CLSTN2: variants seen among roughly 807,000 people sequenced by gnomAD.
CLSTN2 encodes calsyntenin-2.
CLSTN2 carries 48 observed loss-of-function variants against 101.2 expected under a neutral mutation model. That is an observed-to-expected ratio of 0.47 (90% CI 0.38 to 0.60). CLSTN2 has a LOEUF of 0.60. CLSTN2 is among the 20% of genes least tolerant of loss of function. The pLI is 0.00. For synonymous variants in CLSTN2, 481 were observed against 463.6 expected, an observed-to-expected ratio of 1.04 and a Z score of -0.48; for missense variants, 1,160 against 1,238.2, an observed-to-expected ratio of 0.94 and a Z score of 0.95.
intron 2 of CLSTN2, among the ~76,000 whole-genome samples, chr3:140,379,369 G>T (rs1168599378): frequency 6.6e-6 from 1 of 152,222 alleles, no homozygotes; most frequent in Non-Finnish European, 1.5e-5. Flanking sequence ...CATCGTGGAG[G>T]TTGCCGAGAA....
intron 1 of CLSTN2, among the ~76,000 whole-genome samples, chr3:140,046,233 C>CT (rs202137594): frequency 0.17 from 25,457 of 152,172 alleles, 2,369 homozygotes; most frequent in Admixed American, 0.29. Flanking sequence ...ATAGTTACCT[C>CT]TTCTTGTTGA....
At chr3:140,226,897 A>G (rs996185511) in intron 2 of CLSTN2, among the ~76,000 whole-genome samples, 3 of 152,190 alleles carry the variant, frequency 2.0e-5, no homozygotes, top group South Asian at 2.1e-4. Flanking sequence ...CTCTTTCACT[A>G]TCATGAGAAC....
At chr3:140,165,278 A>G (rs60374612) in intron 1 of CLSTN2, among the ~76,000 whole-genome samples, 11,013 of 152,190 alleles carry the variant, frequency 0.072, 1,054 homozygotes, top group African/African-American at 0.22. Context: ...ATACAGGAAT[A>G]CCTACTCATT....
chr3:140,566,053 A>T lies in CLSTN2; in HGVS notation c.2668A>T (p.Lys890Ter). The T allele has an allele frequency of 6.2e-7, 1 of 1,614,060 alleles. No homozygotes were observed. Among genetic ancestry groups the T allele is most frequent in the African/African-American group, 1.3e-5 (1 of 75,044 alleles). ...TTTGCTTTTTCTCCTTGATATCCAG[A>T]AACATGAAGGACCAGGGCATGGGGA... ...ALTITVNPME[K>*]HEGPGHGEDE... The change falls in exon 17 of 17, where the codon AAA becomes TAA. Residue 890 changes from lysine to a stop codon, truncating the protein, a stop_gained and splice_region_variant. Transcript: ENST00000458420. LOFTEE classifies it high-confidence loss of function.
intron 15 of CLSTN2, among the ~76,000 whole-genome samples, 178 bp from the exon 16 acceptor site, chr3:140,563,783 C>A (rs529665159): frequency 6.6e-6 from 1 of 152,226 alleles, no homozygotes; most frequent in Admixed American, 6.5e-5. Flanking sequence ...ATTATTATGT[C>A]CATTATAGAG....
intron 2 of CLSTN2, among the ~76,000 whole-genome samples, chr3:140,219,952 C>G (rs1362037908): frequency 3.9e-5 from 6 of 152,146 alleles, no homozygotes; most frequent in Non-Finnish European, 7.3e-5. Flanking sequence ...ATCACTTCAA[C>G]CCCAGGAGGA....
At chr3:140,001,469 A>G (rs1201950951) in intron 1 of CLSTN2, among the ~76,000 whole-genome samples, 1 of 151,242 alleles carries the variant, frequency 6.6e-6, no homozygotes, top group Non-Finnish European at 1.5e-5. Flanking sequence ...TATTTTCTTC[A>G]ACTTTTTAAA....
At chr3:140,401,029 T>G (rs1187088938) in intron 2 of CLSTN2, among the ~76,000 whole-genome samples, 1 of 152,268 alleles carries the variant, frequency 6.6e-6, no homozygotes, top group Non-Finnish European at 1.5e-5. Flanking sequence ...CTTATTTCCC[T>G]TTCTACCAGA....
chr3:140,548,666 A>G (rs1265617688), intron 10 of CLSTN2, among the ~76,000 whole-genome samples: 1 of 152,264 alleles, frequency 6.6e-6, no homozygotes, highest in East Asian at 1.9e-4. Context: ...CACAGTATTC[A>G]CTAGAACTTC....
chr3:140,211,438 T>C (rs1240347606), intron 2 of CLSTN2, among the ~76,000 whole-genome samples: 1 of 76,362 alleles, frequency 1.3e-5, no homozygotes, highest in Non-Finnish European at 3.0e-5. Flanking sequence ...TATATATATA[T>C]ATATTATTTA....
intron 2 of CLSTN2, among the ~76,000 whole-genome samples, chr3:140,226,353 T>C (rs2086320064): frequency 2.0e-5 from 3 of 152,212 alleles, no homozygotes; most frequent in African/African-American, 7.2e-5. Context: ...CTTTGCAAGA[T>C]GTTATCACTG....
chr3:140,042,618 C>G (rs57732985), intron 1 of CLSTN2, among the ~76,000 whole-genome samples: 1 of 152,142 alleles, frequency 6.6e-6, no homozygotes, highest in Non-Finnish European at 1.5e-5. Flanking sequence ...TGGTGTGCTG[C>G]ACCCATTAAC....
In CLSTN2 at chr3:140,052,981, C is replaced by A. The variant is rs150695195; in HGVS notation, c.109+117498C>A. On this transcript the variant is annotated intron_variant, in intron 1 of 16. Transcript: ENST00000458420. ...AGCAGGCTGTTTGTAGGGACAGACA[C>A]AGCTCTCATCAAGACAGCACAGCCA... is the stretch of plus-strand genomic sequence containing the variant. Among the ~76,000 whole-genome samples the A allele has an allele frequency of 5.1e-3, 772 of 152,348 alleles. 2 individuals are homozygous for A. Among genetic ancestry groups the A allele is most frequent in the Middle Eastern group, 0.041 (12 of 294 alleles).
intron 1 of CLSTN2, among the ~76,000 whole-genome samples, chr3:139,992,268 A>T (rs1936127604): frequency 6.6e-6 from 1 of 152,158 alleles, no homozygotes; most frequent in African/African-American, 2.4e-5. Flanking sequence ...AAAATTGAGG[A>T]TCGCTCGTGC....
At chr3:140,114,196 C>A (rs1172551387) in intron 1 of CLSTN2, among the ~76,000 whole-genome samples, 6 of 152,212 alleles carry the variant, frequency 3.9e-5, no homozygotes, top group African/African-American at 1.4e-4. Context: ...GGGCTATGCT[C>A]ACAGTCCTTC....
At chr3:140,098,844 G>A (rs2008914577) in intron 1 of CLSTN2, among the ~76,000 whole-genome samples, 2 of 152,142 alleles carry the variant, frequency 1.3e-5, no homozygotes, top group South Asian at 4.2e-4. Flanking sequence ...GCTTCCCTAG[G>A]AGCAGGGGTG....
intron 1 of CLSTN2, among the ~76,000 whole-genome samples, chr3:140,024,876 A>G (rs1244944518): frequency 6.6e-6 from 1 of 152,262 alleles, no homozygotes; most frequent in Admixed American, 6.5e-5. Context: ...TTTATGCTCA[A>G]TAAATGGTAG....
chr3:140,396,759 C>G (rs1304302228), intron 2 of CLSTN2, among the ~76,000 whole-genome samples: 2 of 152,132 alleles, frequency 1.3e-5, no homozygotes, highest in African/African-American at 2.4e-5. Flanking sequence ...ACTACAAAGG[C>G]CTAGCTGTGG....
Position 140,198,208 on chromosome 3 carries a change from A to G in CLSTN2, c.232+22135A>G, listed in dbSNP as rs373789602. Among the ~76,000 whole-genome samples, 54 of 152,352 alleles carry G rather than the reference A, an allele frequency of 3.5e-4. No homozygotes were observed. In the South Asian group the frequency reaches 9.1e-3, roughly 26 times the overall value. ...TCTTCTTACTGTAATTAAGTTGCCCATTCTGAACCAGACAATGACTGTGTC... is the reference window on the plus strand; with the variant it reads ...TCTTCTTACTGTAATTAAGTTGCCCGTTCTGAACCAGACAATGACTGTGTC... On this transcript the variant is annotated intron_variant, in intron 2 of 16. Coordinates refer to ENST00000458420, the MANE Select transcript of CLSTN2 (RefSeq NM_022131.3).
Sources: gnomAD v4.1 joint callset for allele counts (sites outside exome capture counted in the v4.1 genomes callset) on GRCh38, gnomAD v4.1.1 for gene constraint, MANE v1.5 for transcripts, NCBI Gene and HGNC (gene_info 2026-07-23, HGNC 2026-07-21) for gene names.